The following MAGI2 variants were observed in gnomAD, a reference collection of about 807,000 sequenced individuals.
MAGI2 encodes the protein membrane-associated guanylate kinase, WW and PDZ domain-containing protein 2.
In MAGI2, 35 loss-of-function variants were observed where a neutral mutation model predicts 133.3. That is an observed-to-expected ratio of 0.26 (90% CI 0.20 to 0.35). The LOEUF is 0.35. Ranked by LOEUF, MAGI2 falls within the 10% of genes least tolerant of loss-of-function variation. The pLI is 1.00. For missense variants in MAGI2, 1,636 were observed against 1,863.4 expected (o/e 0.88, Z 2.25); for synonymous variants, 729 against 710.6 (o/e 1.03, Z -0.41).
intron 21 of MAGI2, among the ~76,000 whole-genome samples, chr7:78,032,086 C>T (rs1250469722): frequency 6.7e-6 from 1 of 149,248 alleles, no homozygotes; most frequent in Non-Finnish European, 1.5e-5. Context: ...GCCCCTGTGC[C>T]TGGAGCTGTC....
At position 78,903,172 on chromosome 7, in the gene MAGI2, C is replaced by CTTTTTTTTTTTTTTTTTTT. The variant is rs10526268; in HGVS notation, c.418+103899_418+103917dup. On this transcript the variant is annotated intron_variant, in intron 2 of 21. Transcript: ENST00000354212. ...TTCATGCAAGTGGGAGTTCCTGAAT[C>CTTTTTTTTTTTTTTTTTTT]TTTTTTTTTTTTTTTTTTTTTTTTT... Among the ~76,000 whole-genome samples the CTTTTTTTTTTTTTTTTTTT allele has an allele frequency of 2.9e-4, 16 of 56,120 alleles. 2 individuals are homozygous for CTTTTTTTTTTTTTTTTTTT. The highest frequency in any genetic ancestry group is 4.5e-4 in the Non-Finnish European group (14 of 30,844). 36.8% of individuals were successfully genotyped at this position (56,120 alleles called of 152,430 possible). A position where few individuals can be genotyped will look rare whatever the true frequency, so the allele number is the denominator to read the frequency against.
chr7:78,127,305 G>A lies in MAGI2; in HGVS notation c.3315C>T (p.Asp1105=), dbSNP rs1248453157. The change falls in exon 19 of 22, where the codon GAC becomes GAT. Residue 1105 remains aspartate, a synonymous_variant. Transcript: ENST00000354212. ...PLDYRQPPGG[D]YQQPPPLDYR... is the part of the protein sequence containing the mutation. Reference sequence around the variant, plus strand: ...AGTCCAAGGGTGGGGGCTGCTGGTAGTCCCCTCCTGGGGGTTGCCTGTAAT... The same window carrying A: ...AGTCCAAGGGTGGGGGCTGCTGGTAATCCCCTCCTGGGGGTTGCCTGTAAT... The A allele has an allele frequency of 1.2e-6, 2 of 1,611,992 alleles. No individual in the cohort carries two copies. Among genetic ancestry groups the A allele is most frequent in the African/African-American group, 1.3e-5 (1 of 74,894 alleles).
intron 2 of MAGI2, among the ~76,000 whole-genome samples, chr7:78,982,004 C>T (rs993233907): frequency 2.6e-5 from 4 of 151,794 alleles, no homozygotes; most frequent in Admixed American, 1.3e-4. Context: ...CATTTAGTGT[C>T]TTACTTTACC....
intron 6 of MAGI2, among the ~76,000 whole-genome samples, chr7:78,399,773 C>T (rs1796679453): frequency 7.1e-6 from 1 of 140,542 alleles, no homozygotes; most frequent in African/African-American, 2.7e-5. Context: ...CCACTGCACT[C>T]CAGCCTGGTT....
chr7:78,512,324 T>G (rs1795673234), intron 4 of MAGI2, among the ~76,000 whole-genome samples: 2 of 152,190 alleles, frequency 1.3e-5, no homozygotes, highest in South Asian at 4.1e-4. Flanking sequence ...TAACTGTGCT[T>G]CTGATTTTTG....
At chr7:78,637,296 G>A (rs1809772511) in intron 2 of MAGI2, among the ~76,000 whole-genome samples, 1 of 152,106 alleles carries the variant, frequency 6.6e-6, no homozygotes. Context: ...CTTTATTTAT[G>A]TGTCCTTATA....
chr7:79,309,979 A>AAAG (rs1838119556), intron 1 of MAGI2, among the ~76,000 whole-genome samples: 2 of 141,186 alleles, frequency 1.4e-5, no homozygotes, highest in Non-Finnish European at 3.1e-5. Context: ...AAAAAAAAAA[A>AAAG]AAAAGAAAAG....
At chr7:78,094,863 C>G (rs1817557042) in intron 20 of MAGI2, among the ~76,000 whole-genome samples, 1 of 152,180 alleles carries the variant, frequency 6.6e-6, no homozygotes, top group Admixed American at 6.5e-5. Flanking sequence ...CTCTCCCACT[C>G]TCATTGCATA....
intron 2 of MAGI2, among the ~76,000 whole-genome samples, chr7:78,745,964 C>T (rs765267678): frequency 6.6e-5 from 10 of 152,060 alleles, no homozygotes; most frequent in African/African-American, 7.2e-5. Context: ...GGAGTAATTC[C>T]GTATAGCTCC....
At chr7:78,678,460 G>A (rs1815289889) in intron 2 of MAGI2, among the ~76,000 whole-genome samples, 1 of 152,096 alleles carries the variant, frequency 6.6e-6, no homozygotes, top group African/African-American at 2.4e-5. Context: ...TAGTAGGGTG[G>A]TAAGGTTTGC....
At chr7:78,573,657 T>C (rs1801968073) in intron 3 of MAGI2, among the ~76,000 whole-genome samples, 1 of 151,522 alleles carries the variant, frequency 6.6e-6, no homozygotes, top group Non-Finnish European at 1.5e-5. Context: ...CTTCATCCAG[T>C]ATTTGGTAAT....
intron 3 of MAGI2, among the ~76,000 whole-genome samples, chr7:78,588,225 G>C (rs531271601): frequency 2.0e-5 from 3 of 152,258 alleles, no homozygotes; most frequent in African/African-American, 7.2e-5. Context: ...CAATTAACTG[G>C]AGGAAGATTT....
chr7:79,136,003 G>GAGAAAGAAAGAAAGAAAGAAAGAA (rs1554375907), intron 1 of MAGI2, among the ~76,000 whole-genome samples: 17 of 40,922 alleles, frequency 4.2e-4, no homozygotes, highest in Non-Finnish European at 7.6e-4. Context: ...AAGAAAGAAA[G>GAGAAAGAAAGAAAGAAAGAAAGAA]AGAAAGAAAG....
chr7:78,957,121 G>A (rs912179559), intron 2 of MAGI2, among the ~76,000 whole-genome samples: 7 of 151,744 alleles, frequency 4.6e-5, no homozygotes, highest in Admixed American at 2.0e-4. Flanking sequence ...AAAATTAGTC[G>A]GGCGAGGTGG....
chr7:79,100,544 T>G (rs1410281326), intron 1 of MAGI2, among the ~76,000 whole-genome samples: 1 of 151,636 alleles, frequency 6.6e-6, no homozygotes, highest in Non-Finnish European at 1.5e-5. Flanking sequence ...ATCTCTTTAT[T>G]CATTTTCTAC....
At chr7:78,938,428 A>G (rs936412998) in intron 2 of MAGI2, among the ~76,000 whole-genome samples, 13 of 152,238 alleles carry the variant, frequency 8.5e-5, no homozygotes, top group Admixed American at 5.2e-4. Context: ...AGTATGTCCT[A>G]TCTATGATGC....
chr7:78,130,503 CAA>C (rs1298613363), intron 18 of MAGI2, among the ~76,000 whole-genome samples: 3 of 152,106 alleles, frequency 2.0e-5, no homozygotes, highest in African/African-American at 4.8e-5. Flanking sequence ...AAAAAAATGG[CAA>C]AGAGTTTTCC....
intron 3 of MAGI2, among the ~76,000 whole-genome samples, chr7:78,527,536 A>C (rs1186443944): frequency 6.6e-6 from 1 of 152,226 alleles, no homozygotes; most frequent in Non-Finnish European, 1.5e-5. Context: ...TCTTCATTGA[A>C]TGATAATAGA....
chr7:78,775,823 C>T (rs530187317), intron 2 of MAGI2, among the ~76,000 whole-genome samples: 27 of 152,270 alleles, frequency 1.8e-4, no homozygotes, highest in East Asian at 1.2e-3. Context: ...GAAGACCCAA[C>T]GCAACTGGTG....
Sources: gnomAD v4.1 joint callset for allele counts (sites outside exome capture counted in the v4.1 genomes callset) on GRCh38, gnomAD v4.1.1 for gene constraint, MANE v1.5 for transcripts, NCBI Gene and HGNC (gene_info 2026-07-23, HGNC 2026-07-21) for gene names.